The following PDZD2 variants were observed in gnomAD, a reference collection of about 807,000 sequenced individuals.
The protein encoded by PDZD2 is PDZ domain containing 2.
Under a neutral mutation model 220.7 loss-of-function variants are expected in PDZD2, and 90 were observed. The ratio of observed to expected loss-of-function variants is 0.41; its 90% CI spans 0.34 to 0.49. PDZD2 has a LOEUF of 0.49. PDZD2 is among the 20% of genes least tolerant of loss of function. The pLI is 0.28. For synonymous variants in PDZD2, 1,375 were observed against 1,450.5 expected (o/e 0.95, Z 1.18); for missense variants, 3,174 against 3,608.5 (o/e 0.88, Z 3.08).
chr5:31,956,189 GA>G (rs1324082458), intron 2 of PDZD2, among the ~76,000 whole-genome samples: 2 of 152,056 alleles, frequency 1.3e-5, no homozygotes, highest in African/African-American at 4.8e-5. Context: ...TTGTCAGAAT[GA>G]TCTATCCATT....
At chr5:31,844,604 T>G (rs2150288418) in intron 2 of PDZD2, among the ~76,000 whole-genome samples, 1 of 152,370 alleles carries the variant, frequency 6.6e-6, no homozygotes, top group African/African-American at 2.4e-5. Context: ...AAATAATTAC[T>G]CATTTTTCAT....
At chr5:31,896,252 G>T (rs1741542009) in intron 2 of PDZD2, among the ~76,000 whole-genome samples, 1 of 151,960 alleles carries the variant, frequency 6.6e-6, no homozygotes, top group South Asian at 2.1e-4. Flanking sequence ...GGTTTCTTGG[G>T]GGTAACTGCT....
At position 31,694,664 on chromosome 5, in the gene PDZD2, C is replaced by T. The variant is rs565144672; in HGVS notation, c.-361+55227C>T. 6.0e-5 allele frequency among the ~76,000 whole-genome samples: 9 copies of T among 151,184 alleles called. No homozygotes were observed. In the South Asian group the frequency reaches 1.3e-3, roughly 21 times the overall value. On this transcript the variant is annotated intron_variant, in intron 1 of 24. Transcript: ENST00000438447. ...GCACTCCAGGTATGCACTGTGGCTG[C>T]GTCTTTCCCCAAACACACTCTGTCC... is the stretch of plus-strand genomic sequence containing the variant.
At chr5:32,078,058 T>G (rs753145310) in intron 19 of PDZD2, 7 of 184,548 alleles carry the variant, frequency 3.8e-5, no homozygotes, top group Non-Finnish European at 8.0e-5. Context: ...GCACCTTTAC[T>G]ATATCATTGT....
intron 2 of PDZD2, among the ~76,000 whole-genome samples, chr5:31,812,407 T>G (rs1161772292): frequency 6.6e-6 from 1 of 152,200 alleles, no homozygotes; most frequent in Non-Finnish European, 1.5e-5. Context: ...TGACATATGC[T>G]GAGGGAAGGG....
intron 1 of PDZD2, among the ~76,000 whole-genome samples, chr5:31,683,768 G>A (rs369882946): frequency 6.6e-5 from 10 of 152,042 alleles, no homozygotes; most frequent in East Asian, 5.8e-4. Flanking sequence ...AGTCTGCAGC[G>A]GACATCCTTG....
intron 2 of PDZD2, among the ~76,000 whole-genome samples, chr5:31,816,439 A>G (rs1208155319): frequency 3.3e-5 from 5 of 152,142 alleles, no homozygotes; most frequent in Non-Finnish European, 7.4e-5. Flanking sequence ...TCTCCAAGGT[A>G]AAGATGGTGT....
At chr5:31,965,455 C>T (rs1240874445) in intron 2 of PDZD2, among the ~76,000 whole-genome samples, 6 of 152,152 alleles carry the variant, frequency 3.9e-5, no homozygotes, top group African/African-American at 4.8e-5. Flanking sequence ...TTGCCAGGCA[C>T]GTGTGGGGCA....
intron 2 of PDZD2, among the ~76,000 whole-genome samples, chr5:31,973,405 C>T (rs1055043985): frequency 6.6e-6 from 1 of 152,172 alleles, no homozygotes; most frequent in African/African-American, 2.4e-5. Flanking sequence ...TATCATTTAG[C>T]TGCTTTTTAT....
intron 15 of PDZD2, among the ~76,000 whole-genome samples, chr5:32,070,902 G>GAATT (rs1262438192): frequency 4.5e-4 from 65 of 145,802 alleles, no homozygotes; most frequent in African/African-American, 1.7e-3. Context: ...GGCTGAGACA[G>GAATT]GAGAGGTTTC....
chr5:31,666,526 C>T (rs994246593), intron 1 of PDZD2, among the ~76,000 whole-genome samples: 4 of 152,238 alleles, frequency 2.6e-5, no homozygotes, highest in Admixed American at 2.0e-4. Flanking sequence ...GCGATGGTTG[C>T]TTCTACTGTT....
chr5:31,948,063 G>A (rs541922319), intron 2 of PDZD2, among the ~76,000 whole-genome samples: 1 of 152,288 alleles, frequency 6.6e-6, no homozygotes, highest in East Asian at 1.9e-4. Flanking sequence ...ACAGGTGGAA[G>A]AAATACTTTA....
chr5:31,933,620 A>C (rs1047216592), intron 2 of PDZD2, among the ~76,000 whole-genome samples: 2 of 152,136 alleles, frequency 1.3e-5, no homozygotes, highest in African/African-American at 4.8e-5. Flanking sequence ...AAAGATCCAC[A>C]CCTTGTCCCC....
At chr5:31,660,154 T>TGCACATTG (rs1745704091) in intron 1 of PDZD2, among the ~76,000 whole-genome samples, 1 of 152,198 alleles carries the variant, frequency 6.6e-6, no homozygotes, top group Non-Finnish European at 1.5e-5. Flanking sequence ...TGGAATCATC[T>TGCACATTG]GCATATCCTC....
At chr5:31,832,056 GT>G (rs557541685) in intron 2 of PDZD2, among the ~76,000 whole-genome samples, 9 of 151,816 alleles carry the variant, frequency 5.9e-5, no homozygotes, top group African/African-American at 1.7e-4. Context: ...TTTTTGTTTT[GT>G]TTTTTGTTTG....
In PDZD2 at chr5:32,087,291, A is replaced by G. The variant is rs1481391348; in HGVS notation, c.3843A>G (p.Pro1281=). 1.2e-6 allele frequency: 2 copies of G among 1,614,086 alleles called. No homozygotes were observed. Among genetic ancestry groups the G allele is most frequent in the Admixed American group, 1.7e-5 (1 of 60,014 alleles). ...PRVTKCKARS[P]VRLPHEGSPS... is the part of the protein sequence containing the mutation. ...TCACCAAGTGCAAGGCCAGGTCTCC[A>G]GTCAGGCTCCCCCATGAGGGCAGCC... Residue 1281 remains proline, a synonymous_variant, in exon 20 of 25, where the codon CCA becomes CCG. Coordinates refer to ENST00000438447, the MANE Select transcript of PDZD2 (RefSeq NM_178140.4). The surrounding 1 kb of genome is among the most constrained non-coding windows in gnomAD (Gnocchi z 4.0).
intron 3 of PDZD2, among the ~76,000 whole-genome samples, chr5:31,992,065 C>A (rs968732898): frequency 1.3e-5 from 2 of 152,008 alleles, no homozygotes; most frequent in African/African-American, 4.8e-5. Flanking sequence ...ACAAAAAAAA[C>A]TGCTAACATT....
chr5:32,027,975 C>T (rs958844185), intron 6 of PDZD2, among the ~76,000 whole-genome samples: 7 of 151,986 alleles, frequency 4.6e-5, no homozygotes, highest in South Asian at 4.1e-4. Flanking sequence ...GGACACTGAC[C>T]GGGGAATGAG....
chr5:31,750,948 T>C (rs551180430), intron 1 of PDZD2, among the ~76,000 whole-genome samples: 2 of 151,720 alleles, frequency 1.3e-5, no homozygotes, highest in Non-Finnish European at 2.9e-5. Context: ...TGGTTTTGAG[T>C]AAGAGAAGCA....
Sources: gnomAD v4.1 joint callset for allele counts (sites outside exome capture counted in the v4.1 genomes callset) on GRCh38, gnomAD v4.1.1 for gene constraint, Gnocchi (gnomAD v3.1) non-coding constraint, MANE v1.5 for transcripts, NCBI Gene and HGNC (gene_info 2026-07-23, HGNC 2026-07-21) for gene names.